Variants in SLC13A1 observed in about 807,000 individuals in gnomAD.
SLC13A1 encodes the protein solute carrier family 13 member 1, also known as Na(+)/sulfate cotransporter.
A neutral mutation model predicts 70.0 loss-of-function variants in SLC13A1; 65 were observed. The ratio of observed to expected loss-of-function variants is 0.93; its 90% CI spans 0.76 to 1.14. The LOEUF is 1.14. Among genes scored for constraint, SLC13A1 ranks in the 50% most tolerant of loss-of-function variants. SLC13A1 has a pLI of 0.00. For synonymous variants in SLC13A1, 275 were observed against 250.5 expected (o/e 1.10, Z -0.92); for missense variants, 726 against 717.8 (o/e 1.01, Z -0.13).
rs1563323923 is a variant in SLC13A1 at position 123,134,522 on chromosome 7, G to C, written c.820C>G (p.Pro274Ala). 2 of 1,612,918 alleles carry C rather than the reference G, an allele frequency of 1.2e-6. No individual in the cohort carries two copies. Among genetic ancestry groups the C allele is most frequent in the African/African-American group, 2.7e-5 (2 of 74,890 alleles). ...IFAEYFNTRY[P>A]DCRCLNFGSW... ...CCAAAGTTGAGGCAACGACAGTCAGGATAGCGTCTGTGTGAAAACATGGAG... is the reference window on the plus strand; with the variant it reads ...CCAAAGTTGAGGCAACGACAGTCAGCATAGCGTCTGTGTGAAAACATGGAG... Residue 274 changes from proline (P) to alanine (A), a missense_variant, in exon 8 of 15, where the codon CCT (proline) becomes GCT (alanine). Coordinates refer to ENST00000194130, the MANE Select transcript of SLC13A1 (RefSeq NM_022444.4).
chr7:123,134,075 CAG>C (rs1420477556), intron 8 of SLC13A1, among the ~76,000 whole-genome samples: 1 of 151,754 alleles, frequency 6.6e-6, no homozygotes, highest in Non-Finnish European at 1.5e-5. Context: ...TTGGTAGAGA[CAG>C]AGTTTTGCCA....
intron 8 of SLC13A1, among the ~76,000 whole-genome samples, chr7:123,133,475 A>G (rs868659672): frequency 6.6e-6 from 1 of 152,112 alleles, no homozygotes; most frequent in Non-Finnish European, 1.5e-5. Flanking sequence ...GCCCTTCAAT[A>G]TCTTATCATC....
At chr7:123,118,612 G>A (rs1585281050) in intron 13 of SLC13A1, among the ~76,000 whole-genome samples, 1 of 152,218 alleles carries the variant, frequency 6.6e-6, no homozygotes, top group South Asian at 2.1e-4. Flanking sequence ...GTAGAAAACT[G>A]TCTAAGATAT....
Position 123,114,538 on chromosome 7 carries a change from A to G in SLC13A1, c.*980T>C, listed in dbSNP as rs979357241. The G allele has an allele frequency of 1.3e-5, 2 of 149,562 alleles. No individual in the cohort carries two copies. The highest frequency in any genetic ancestry group is 1.9e-4 in the East Asian group (1 of 5,136). The allele number at this position is 149,562 out of a possible 1,614,324, so 9.3% of individuals were successfully genotyped here. A position where few individuals can be genotyped will look rare whatever the true frequency, so the allele number is the denominator to read the frequency against. On this transcript the variant is annotated 3_prime_UTR_variant, in exon 15 of 15. Transcript: ENST00000194130. ...TTTTCCTTCTTTTTTTCATTTTTTC[A>G]TTGCAATGTTAACACACCAGAGTTA...
At chr7:123,176,003 C>G (rs544237139) in intron 2 of SLC13A1, among the ~76,000 whole-genome samples, 1 of 152,274 alleles carries the variant, frequency 6.6e-6, no homozygotes, top group African/African-American at 2.4e-5. Flanking sequence ...TCAACTCTGT[C>G]ATGGCACAAA....
At chr7:123,121,035 T>C (rs930880690) in intron 12 of SLC13A1, among the ~76,000 whole-genome samples, 8 of 152,054 alleles carry the variant, frequency 5.3e-5, no homozygotes, top group African/African-American at 1.9e-4. Flanking sequence ...ATGTTCTTCT[T>C]TTCTATTTTT....
intron 6 of SLC13A1, among the ~76,000 whole-genome samples, chr7:123,151,764 G>A (rs943060611): frequency 4.6e-5 from 7 of 152,026 alleles, no homozygotes; most frequent in Non-Finnish European, 8.8e-5. Context: ...CATACTCTCA[G>A]CCACTTTGCT....
At chr7:123,185,178 G>T (rs1472252687) in intron 1 of SLC13A1, among the ~76,000 whole-genome samples, 2 of 151,888 alleles carry the variant, frequency 1.3e-5, no homozygotes, top group Non-Finnish European at 2.9e-5. Context: ...ATGTATTTTT[G>T]ATATTAATCT....
rs925408595 is a variant in SLC13A1 at position 123,121,974 on chromosome 7, G to T, written c.1350+1152C>A. Among the ~76,000 whole-genome samples the T allele has an allele frequency of 2.0e-5, 3 of 152,104 alleles. No individual in the cohort carries two copies. The East Asian group carries it at 5.8e-4, about 29-fold the overall frequency. On this transcript the variant is annotated intron_variant, in intron 12 of 14. Coordinates refer to ENST00000194130, the MANE Select transcript of SLC13A1 (RefSeq NM_022444.4). ...GGGTATCCTGTAGACATTTGGCTCT[G>T]TATATTGAGATTTTTATAGCAAACT...
chr7:123,128,462 G>A (rs1429521968), intron 10 of SLC13A1, among the ~76,000 whole-genome samples: 1 of 151,982 alleles, frequency 6.6e-6, no homozygotes, highest in Admixed American at 6.6e-5. Context: ...CCAAAGTAAG[G>A]GGATGAGTCA....
intron 1 of SLC13A1, among the ~76,000 whole-genome samples, chr7:123,187,963 C>T (rs528784930): frequency 3.3e-5 from 5 of 152,226 alleles, no homozygotes; most frequent in African/African-American, 4.8e-5. Flanking sequence ...GAACTTCAAA[C>T]GGGAAGGAGT....
intron 2 of SLC13A1, among the ~76,000 whole-genome samples, chr7:123,175,933 A>G: frequency 6.6e-6 from 1 of 152,336 alleles, no homozygotes; most frequent in Non-Finnish European, 1.5e-5. Context: ...AGCATATTGT[A>G]GAGGGCCAAG....
intron 1 of SLC13A1, chr7:123,186,787 G>A (rs879640429): frequency 1.1e-5 from 5 of 453,800 alleles, no homozygotes; most frequent in Non-Finnish European, 1.8e-5. Flanking sequence ...ATCACATTTT[G>A]TTCTGAAGTA....
chr7:123,199,963 C>T lies in SLC13A1; in HGVS notation c.-17G>A, dbSNP rs780277129. On this transcript the variant is annotated 5_prime_UTR_variant, in exon 1 of 15. Transcript: ENST00000194130. Reference sequence around the variant, plus strand: ...GAATTTCATTGTCCTGAGCAGGTGGCTTCAATAGTGTCCTCCAAATAAAGC... The same window carrying T: ...GAATTTCATTGTCCTGAGCAGGTGGTTTCAATAGTGTCCTCCAAATAAAGC... 4 of 1,552,524 alleles carry T rather than the reference C, an allele frequency of 2.6e-6. No homozygotes were observed. The highest frequency in any genetic ancestry group is 1.4e-5 in the African/African-American group (1 of 73,640).
intron 1 of SLC13A1, among the ~76,000 whole-genome samples, chr7:123,195,057 A>G (rs1315619841): frequency 6.6e-6 from 1 of 152,198 alleles, no homozygotes; most frequent in Non-Finnish European, 1.5e-5. Flanking sequence ...TGCAAGCTAC[A>G]TAAAGACAGA....
chr7:123,125,517 G>C (rs1585292490), intron 11 of SLC13A1, 52 bp downstream of exon 11: 1 of 1,329,210 alleles, frequency 7.5e-7, no homozygotes, highest in African/African-American at 1.5e-5. Context: ...ATGGAATTTT[G>C]TAATTTTTGC....
intron 2 of SLC13A1, among the ~76,000 whole-genome samples, chr7:123,173,970 GTTTTT>G (rs35330071): frequency 7.7e-6 from 1 of 130,214 alleles, no homozygotes; most frequent in Non-Finnish European, 1.6e-5. Context: ...TCGGGAAGCT[GTTTTT>G]TTTTTTTTTT....
chr7:123,178,381 T>C (rs984741309), intron 2 of SLC13A1, among the ~76,000 whole-genome samples: 1 of 152,084 alleles, frequency 6.6e-6, no homozygotes, highest in African/African-American at 2.4e-5. Context: ...AGATCTGAGA[T>C]TCAAAGATGT....
intron 12 of SLC13A1, among the ~76,000 whole-genome samples, chr7:123,122,423 T>A (rs943786469): frequency 3.9e-5 from 6 of 152,072 alleles, no homozygotes; most frequent in African/African-American, 1.4e-4. Context: ...AGTAATTAAT[T>A]TTCATGGAAA....
Sources: gnomAD v4.1 joint callset for allele counts (sites outside exome capture counted in the v4.1 genomes callset) on GRCh38, gnomAD v4.1.1 for gene constraint, MANE v1.5 for transcripts, NCBI Gene and HGNC (gene_info 2026-07-23, HGNC 2026-07-21) for gene names.